CEP350: variants seen among roughly 807,000 people sequenced by gnomAD.
CEP350 encodes centrosome-associated protein 350.
CEP350 carries 126 observed loss-of-function variants against 331.8 expected under a neutral mutation model. That is an observed-to-expected ratio of 0.38 (90% confidence interval 0.33 to 0.44). The LOEUF (loss-of-function observed/expected upper bound fraction) is 0.44, where lower values mean the gene tolerates loss of function less well. CEP350 is among the 20% of genes least tolerant of loss of function. The pLI, the probability that CEP350 is intolerant of heterozygous loss-of-function variation, is 1.00. For synonymous variants in CEP350, 1,200 were observed against 1,259.5 expected (o/e 0.95, Z 1.00); for missense variants, 3,406 against 3,634.6 (o/e 0.94, Z 1.62).
chr1:180,049,972 C>G (rs1371731917), intron 22 of CEP350, among the ~76,000 whole-genome samples: 1 of 152,176 alleles, frequency 6.6e-6, no homozygotes, highest in African/African-American at 2.4e-5. Flanking sequence ...ACAGTTCTAC[C>G]AGTTTACTGC....
chr1:180,023,891 A>G (rs1655500910), intron 13 of CEP350, among the ~76,000 whole-genome samples: 1 of 152,174 alleles, frequency 6.6e-6, no homozygotes, highest in Non-Finnish European at 1.5e-5. Context: ...AATTAGTTAA[A>G]TCTAAATAGA....
chr1:180,037,010 G>T lies in CEP350; in HGVS notation c.4031G>T (p.Arg1344Leu), dbSNP rs771321776. Residue 1344 changes from arginine to leucine, a missense_variant, in exon 17 of 38, where the codon CGC becomes CTC. Arg to Leu is a moderately radical substitution (Grantham distance 102, BLOSUM62 -2). Coordinates refer to ENST00000367607, the MANE Select transcript of CEP350 (RefSeq NM_014810.5). ...SYLNAIEESV[R>L]QLSDVERVRG... ...CTGAACGCCATTGAGGAGTCGGTGC[G>T]CCAACTGTCAGATGTAGAAAGAGTT... 3 of 1,602,404 alleles carry T rather than the reference G, an allele frequency of 1.9e-6. No homozygotes were observed. Among genetic ancestry groups the T allele is most frequent in the South Asian group, 1.1e-5 (1 of 88,508 alleles).
intron 1 of CEP350, among the ~76,000 whole-genome samples, chr1:179,962,940 A>G (rs1349621566): frequency 6.6e-6 from 1 of 152,184 alleles, no homozygotes; most frequent in Non-Finnish European, 1.5e-5. Context: ...CCAGCAGTGT[A>G]TGATACTCCC....
chr1:179,971,711 T>C (rs1056963107), intron 1 of CEP350, among the ~76,000 whole-genome samples: 1 of 152,194 alleles, frequency 6.6e-6, no homozygotes, highest in African/African-American at 2.4e-5. Flanking sequence ...TCAACTCTTT[T>C]TAGTGTCTGG....
chr1:180,031,751 C>G (rs909877114), intron 15 of CEP350, among the ~76,000 whole-genome samples: 2 of 152,014 alleles, frequency 1.3e-5, no homozygotes, highest in African/African-American at 4.8e-5. Context: ...CTAGCACAGC[C>G]CAGTTTTCTA....
At chr1:180,089,808 TATG>T (rs1460174194) in intron 32 of CEP350, among the ~76,000 whole-genome samples, 8 of 152,200 alleles carry the variant, frequency 5.3e-5, no homozygotes, top group South Asian at 4.2e-4. Flanking sequence ...GGGTTAGAAA[TATG>T]AGGAGGATAA....
Position 180,014,011 on chromosome 1 carries a change from A to C in CEP350, c.1558A>C (p.Asn520His), listed in dbSNP as rs770283874. ...TAAGCAGGAGGAAAATACTGCCTTA[A>C]ATAAGGACTTTTTACCTATTGAAAT... ...DNKQEENTAL[N>H]KDFLPIEIRG... The change falls in exon 10 of 38, where the codon AAT (asparagine) becomes CAT (histidine). Residue 520 changes from asparagine (N) to histidine (H), a missense_variant. This residue lies in a region of CEP350 where 1,857 missense variants were observed against 1,909.2 expected (regional missense o/e 0.97). Transcript: ENST00000367607. 31 of 1,613,730 alleles carry C rather than the reference A, an allele frequency of 1.9e-5. No individual in the cohort carries two copies. The East Asian group carries it at 6.2e-4, about 32-fold the overall frequency.
chr1:180,030,826 C>A (rs1655978956), intron 14 of CEP350, among the ~76,000 whole-genome samples: 1 of 151,968 alleles, frequency 6.6e-6, no homozygotes, highest in Non-Finnish European at 1.5e-5. Context: ...TTGTTTCAGT[C>A]ATCTTCTTAA....
At chr1:180,006,682 G>A (rs1351435803) in intron 8 of CEP350, 115 bp downstream of exon 8, 10 of 626,532 alleles carry the variant, frequency 1.6e-5, no homozygotes, top group Middle Eastern at 3.8e-4. Flanking sequence ...CAGGGTATAC[G>A]TGTGCCATGG....
chr1:179,983,775 C>T (rs1262189019), intron 1 of CEP350, among the ~76,000 whole-genome samples: 2 of 152,034 alleles, frequency 1.3e-5, no homozygotes, highest in Admixed American at 6.6e-5. Flanking sequence ...TCAAATATGA[C>T]AGGTTTAATA....
At chr1:180,037,189 A>T (rs2148900083) in intron 17 of CEP350, 100 bp downstream of exon 17, 1 of 1,098,778 alleles carries the variant, frequency 9.1e-7, no homozygotes, top group East Asian at 2.8e-5. Context: ...AATAGAAAAA[A>T]ATAGTCTGCC....
chr1:180,054,791 A>G (rs1315204679), intron 25 of CEP350, among the ~76,000 whole-genome samples: 2 of 152,236 alleles, frequency 1.3e-5, no homozygotes, highest in Admixed American at 6.5e-5. Context: ...CAAATTTTAA[A>G]AATTAAGATA....
chr1:180,095,405 T>G (rs1385321199), intron 34 of CEP350, 118 bp from the exon 35 acceptor site: 2 of 1,194,902 alleles, frequency 1.7e-6, no homozygotes, highest in Non-Finnish European at 2.2e-6. Flanking sequence ...TTTTTTATTC[T>G]GCTTACTTAT....
intron 37 of CEP350, among the ~76,000 whole-genome samples, chr1:180,103,646 C>A (rs1164413555): frequency 1.3e-5 from 2 of 151,990 alleles, no homozygotes; most frequent in African/African-American, 4.8e-5. Flanking sequence ...CTGCTTTAGA[C>A]TCCTTGTGCT....
chr1:180,037,230 A>G (rs1174206068), intron 17 of CEP350, 141 bp downstream of exon 17: 6 of 588,700 alleles, frequency 1.0e-5, no homozygotes, highest in Non-Finnish European at 1.6e-5. Context: ...TAGTCCTGGG[A>G]AAAATCTGTC....
intron 27 of CEP350, among the ~76,000 whole-genome samples, chr1:180,071,723 A>C (rs1658908503): frequency 6.6e-6 from 1 of 152,088 alleles, no homozygotes; most frequent in East Asian, 1.9e-4. Context: ...TGGAGGTTGA[A>C]GTGAACTGAG....
At chr1:180,088,325 A>G (rs1387411445) in intron 32 of CEP350, among the ~76,000 whole-genome samples, 1 of 152,090 alleles carries the variant, frequency 6.6e-6, no homozygotes, top group East Asian at 1.9e-4. Context: ...AAGTCAGGTT[A>G]TCATATTTAA....
chr1:179,969,171 G>A lies in CEP350; in HGVS notation c.-14+14029G>A, dbSNP rs529877662. ...GGTTTGATATGGTGGGTGCTGGCCG[G>A]GGAAGTTCTGTGTGTGTGTGCCACC... On this transcript the variant is annotated intron_variant, in intron 1 of 37. Coordinates refer to ENST00000367607, the MANE Select transcript of CEP350 (RefSeq NM_014810.5). 11 of 587,876 alleles carry A rather than the reference G, an allele frequency of 1.9e-5. No individual in the cohort carries two copies. In the East Asian group the frequency reaches 2.2e-4, roughly 12 times the overall value. 36.4% of individuals were successfully genotyped at this position (587,876 alleles called of 1,614,324 possible). A position where few individuals can be genotyped will look rare whatever the true frequency, so the allele number is the denominator to read the frequency against.
chr1:180,071,223 CGA>C (rs1453295576), intron 27 of CEP350, among the ~76,000 whole-genome samples: 1 of 150,478 alleles, frequency 6.6e-6, no homozygotes. Flanking sequence ...TTTGGGAGGC[CGA>C]GGAGGGTGGA....
Sources: gnomAD v4.1 joint callset for allele counts (sites outside exome capture counted in the v4.1 genomes callset) on GRCh38, gnomAD v4.1.1 for gene constraint, gnomAD v4.1.1 regional missense constraint, MANE v1.5 for transcripts, NCBI Gene and HGNC (gene_info 2026-07-23, HGNC 2026-07-21) for gene names.